The following PRICKLE2 variants were observed in gnomAD, a reference collection of about 807,000 sequenced individuals.
The protein encoded by PRICKLE2 is prickle-like protein 2.
Under a neutral mutation model 81.4 loss-of-function variants are expected in PRICKLE2, and 21 were observed. The observed-to-expected ratio is 0.26, with a 90% CI of 0.18 to 0.37. PRICKLE2 has a LOEUF of 0.37. Among genes scored for constraint, PRICKLE2 ranks in the 10% least tolerant of loss-of-function variants. The probability of loss-of-function intolerance (pLI) is 1.00; values close to 1 mark genes in which losing one functional copy is unlikely to be tolerated. For synonymous variants in PRICKLE2, 456 were observed against 421.5 expected (o/e 1.08, Z -1.00); for missense variants, 940 against 1,109.0 (o/e 0.85, Z 2.16).
chr3:64,151,329 T>C (rs1284372487), intron 6 of PRICKLE2, among the ~76,000 whole-genome samples: 1 of 152,198 alleles, frequency 6.6e-6, no homozygotes, highest in Non-Finnish European at 1.5e-5. Flanking sequence ...CATGGTCACC[T>C]TTTCTGATAA....
rs2106934342 is a variant in PRICKLE2, at chr3:64,098,808, C to G, written c.*243G>C. 1 of 538,258 alleles carries G rather than the reference C, an allele frequency of 1.9e-6. No homozygotes were observed. The highest frequency in any genetic ancestry group is 3.3e-5 in the East Asian group (1 of 29,924). 33.3% of individuals were successfully genotyped at this position (538,258 alleles called of 1,614,324 possible). A position where few individuals can be genotyped will look rare whatever the true frequency, so the allele number is the denominator to read the frequency against. The stretch of plus-strand genomic sequence containing the variant: ...ACAGAACTGATGGGAAGGAAGTGAC[C>G]AAGCCTGGCCTCGATAGAGTCTACT... On this transcript the variant is annotated 3_prime_UTR_variant, in exon 8 of 8. Transcript: ENST00000638394.
At chr3:64,106,820 G>A (rs1409866527) in intron 7 of PRICKLE2, among the ~76,000 whole-genome samples, 1 of 152,204 alleles carries the variant, frequency 6.6e-6, no homozygotes, top group African/African-American at 2.4e-5. Flanking sequence ...GGAGCTGCAA[G>A]CTAAATTTGC....
chr3:64,117,916 C>G (rs917000251), intron 7 of PRICKLE2, among the ~76,000 whole-genome samples: 3 of 152,084 alleles, frequency 2.0e-5, no homozygotes, highest in Non-Finnish European at 2.9e-5. Flanking sequence ...CAAAAAAGAA[C>G]AAAGCAGAAG....
At chr3:64,240,695 C>T (rs1188262063) in intron 2 of PRICKLE2, among the ~76,000 whole-genome samples, 1 of 152,150 alleles carries the variant, frequency 6.6e-6, no homozygotes, top group Non-Finnish European at 1.5e-5. Context: ...GATCCTGGAC[C>T]AGCAGCCTCA....
At chr3:64,202,910 C>T (rs536066340) in intron 1 of PRICKLE2, among the ~76,000 whole-genome samples, 1 of 152,110 alleles carries the variant, frequency 6.6e-6, no homozygotes, top group East Asian at 1.9e-4. Context: ...GTTATTTGTA[C>T]ATGCTCTTTA....
chr3:64,215,400 T>A (rs938944633), intron 1 of PRICKLE2, among the ~76,000 whole-genome samples: 1 of 152,146 alleles, frequency 6.6e-6, no homozygotes, highest in African/African-American at 2.4e-5. Flanking sequence ...ATCTTTTCCT[T>A]AACATCAGAC....
intron 7 of PRICKLE2, among the ~76,000 whole-genome samples, chr3:64,124,724 C>T (rs112889521): frequency 2.6e-5 from 4 of 152,132 alleles, no homozygotes; most frequent in African/African-American, 4.8e-5. Context: ...TATTATAAGC[C>T]CACTGTTGAG....
At chr3:64,267,058 A>G (rs965136467) in intron 2 of PRICKLE2, among the ~76,000 whole-genome samples, 8 of 152,104 alleles carry the variant, frequency 5.3e-5, no homozygotes, top group African/African-American at 1.9e-4. Flanking sequence ...AATCTTACCC[A>G]GCACCTACCC....
chr3:64,197,165 G>A (rs910190063), intron 2 of PRICKLE2, among the ~76,000 whole-genome samples: 3 of 152,084 alleles, frequency 2.0e-5, no homozygotes, highest in Non-Finnish European at 4.4e-5. Context: ...TGTCATTGAT[G>A]GGCATTTAGG....
At chr3:64,114,000 A>C (rs2106956802) in intron 7 of PRICKLE2, among the ~76,000 whole-genome samples, 1 of 152,248 alleles carries the variant, frequency 6.6e-6, no homozygotes, top group South Asian at 2.1e-4. Context: ...ACACCTTGGC[A>C]CCTCCAGTGC....
chr3:64,207,341 GAAGT>G (rs542947012), intron 1 of PRICKLE2, among the ~76,000 whole-genome samples: 4 of 152,078 alleles, frequency 2.6e-5, no homozygotes, highest in African/African-American at 4.8e-5. Context: ...CTACAGATAA[GAAGT>G]AAGAGTAAAA....
chr3:64,190,851 A>T (rs529782737), intron 2 of PRICKLE2, among the ~76,000 whole-genome samples: 1 of 152,316 alleles, frequency 6.6e-6, no homozygotes, highest in South Asian at 2.1e-4. Context: ...AGCCTACAGA[A>T]AATTCCCCAA....
At chr3:64,201,756 TTTG>T (rs1432027281) in intron 1 of PRICKLE2, among the ~76,000 whole-genome samples, 1 of 152,192 alleles carries the variant, frequency 6.6e-6, no homozygotes, top group Non-Finnish European at 1.5e-5. Flanking sequence ...GAAGTCTAAT[TTTG>T]TTGTTGTTGC....
chr3:64,113,795 G>T (rs969589699), intron 7 of PRICKLE2, among the ~76,000 whole-genome samples: 21 of 151,570 alleles, frequency 1.4e-4, no homozygotes, highest in African/African-American at 4.6e-4. Context: ...ACTCCTGCTT[G>T]CAGGGCACAG....
chr3:64,218,358 T>C (rs2078904153), intron 1 of PRICKLE2, among the ~76,000 whole-genome samples: 1 of 152,238 alleles, frequency 6.6e-6, no homozygotes, highest in African/African-American at 2.4e-5. Flanking sequence ...TAATTGTACA[T>C]ATAATATAAT....
intron 5 of PRICKLE2, chr3:64,154,438 TG>T (rs1489535083): frequency 6.6e-6 from 1 of 150,840 alleles, no homozygotes; most frequent in Non-Finnish European, 1.5e-5. Context: ...CCCAGCTACT[TG>T]GGAGGCTGAG....
At chr3:64,206,966 C>T (rs958154811) in intron 1 of PRICKLE2, among the ~76,000 whole-genome samples, 4 of 152,212 alleles carry the variant, frequency 2.6e-5, no homozygotes, top group African/African-American at 9.6e-5. Flanking sequence ...GTGGTGTGAT[C>T]ATGGCTCACT....
intron 2 of PRICKLE2, among the ~76,000 whole-genome samples, chr3:64,230,517 G>A (rs184628880): frequency 5.9e-5 from 9 of 152,292 alleles, no homozygotes; most frequent in Admixed American, 5.9e-4. Context: ...CTTCTACAAT[G>A]TAGGTAAAGA....
At chr3:64,178,627 T>C (rs2078064587) in intron 2 of PRICKLE2, among the ~76,000 whole-genome samples, 1 of 152,258 alleles carries the variant, frequency 6.6e-6, no homozygotes, top group Non-Finnish European at 1.5e-5. Context: ...GAGAGTACTA[T>C]GTAAACAGGA....
Sources: gnomAD v4.1 joint callset for allele counts (sites outside exome capture counted in the v4.1 genomes callset) on GRCh38, gnomAD v4.1.1 for gene constraint, MANE v1.5 for transcripts, NCBI Gene and HGNC (gene_info 2026-07-23, HGNC 2026-07-21) for gene names.